Variants in NIPBL observed in about 807,000 individuals in gnomAD.
NIPBL encodes the protein NIPBL cohesin loading factor.
In NIPBL, 19 loss-of-function variants were observed where a neutral mutation model predicts 321.8. The ratio of observed to expected loss-of-function variants is 0.06; its 90% CI spans 0.04 to 0.09. The LOEUF is 0.09. Among genes scored for constraint, NIPBL ranks in the 10% least tolerant of loss-of-function variants. The pLI, the probability that NIPBL is intolerant of heterozygous loss-of-function variation, is 1.00. For missense variants in NIPBL, 2,210 were observed against 3,327.0 expected, an observed-to-expected ratio of 0.66 and a Z score of 8.26; for synonymous variants, 1,106 against 1,114.1, an observed-to-expected ratio of 0.99 and a Z score of 0.14.
chr5:36,921,992 T>C (rs1748984762), intron 1 of NIPBL, among the ~76,000 whole-genome samples: 1 of 151,264 alleles, frequency 6.6e-6, no homozygotes, highest in South Asian at 2.1e-4. Flanking sequence ...GTTCAAGTGG[T>C]TCTCCTGCCC....
Position 37,045,575 on chromosome 5 carries a change from A to T in NIPBL, c.6476A>T (p.Glu2159Val), listed in dbSNP as rs1752884519. ...ALCRHFDFDLEDFKGNSKVNI... is the reference protein window; with the variant it reads ...ALCRHFDFDLVDFKGNSKVNI... ...TGTCGGCATTTTGATTTTGATCTGG[A>T]AGATTTTAAAGGCAACAGCAAGGTA... The change falls in exon 37 of 47, where the codon GAA (glutamate) becomes GTA (valine). Residue 2159 changes from glutamate (E) to valine (V), a missense_variant. By Grantham distance (121) the Glu-to-Val change is moderately radical (BLOSUM62 -2). Transcript: ENST00000282516. 4 of 1,614,102 alleles carry T rather than the reference A, an allele frequency of 2.5e-6. No individual in the cohort carries two copies. The East Asian group carries it at 8.9e-5, about 36-fold the overall frequency.
chr5:37,063,642 C>T, intron 45 of NIPBL, 148 bp from the exon 46 acceptor site: 1 of 748,544 alleles, frequency 1.3e-6, no homozygotes, highest in South Asian at 1.8e-5. Flanking sequence ...TGGCTGTTTA[C>T]AGAAAATGTT....
chr5:37,019,350 G>A lies in NIPBL; in HGVS notation c.4960G>A (p.Ala1654Thr), dbSNP rs781402189. The change falls in exon 25 of 47, where the codon GCA (alanine) becomes ACA (threonine). Residue 1654 changes from alanine (A) to threonine (T), a missense_variant. Ala to Thr is a moderately conservative substitution (Grantham distance 58). Coordinates refer to ENST00000282516, the MANE Select transcript of NIPBL (RefSeq NM_133433.4). ...AGATGAAATCCAACAATTACAAAAA[G>A]CATTGCTTGATTACTTGGATGAAAA... ...GEDEIQQLQKALLDYLDENTE... is the reference protein window; with the variant it reads ...GEDEIQQLQKTLLDYLDENTE... 13 of 1,613,078 alleles carry A rather than the reference G, an allele frequency of 8.1e-6. No individual in the cohort carries two copies. The highest frequency in any genetic ancestry group is 7.7e-5 in the South Asian group (7 of 91,060).
chr5:36,935,412 G>A (rs965591347), intron 1 of NIPBL, among the ~76,000 whole-genome samples: 7 of 152,010 alleles, frequency 4.6e-5, no homozygotes, highest in African/African-American at 1.2e-4. Context: ...TTTTCAAAAT[G>A]GGTCTTCTCT....
intron 38 of NIPBL, among the ~76,000 whole-genome samples, chr5:37,047,597 A>G (rs986592637): frequency 3.3e-5 from 5 of 152,212 alleles, no homozygotes; most frequent in African/African-American, 9.6e-5. Flanking sequence ...GAGTGGCAAA[A>G]CTAATAGTGT....
chr5:36,906,300 C>T (rs141546221), intron 1 of NIPBL, among the ~76,000 whole-genome samples: 47 of 152,086 alleles, frequency 3.1e-4, no homozygotes, highest in African/African-American at 1.1e-3. Context: ...TTTTAGACCT[C>T]CCACAACAAT....
In NIPBL at chr5:37,000,590, G is replaced by T; in HGVS notation, c.3502+20G>T. The T allele has an allele frequency of 6.2e-7, 1 of 1,609,994 alleles. No individual in the cohort carries two copies. Among genetic ancestry groups the T allele is most frequent in the Non-Finnish European group, 8.5e-7 (1 of 1,176,874 alleles). On this transcript the variant is annotated intron_variant, in intron 12 of 46. Coordinates refer to ENST00000282516, the MANE Select transcript of NIPBL (RefSeq NM_133433.4). ...GTGAGGGTAATTCATCAGTGTCAAC[G>T]GATTTCTTACATAAACCAATTTAAA...
At chr5:36,895,939 A>G (rs545504309) in intron 1 of NIPBL, among the ~76,000 whole-genome samples, 1 of 152,310 alleles carries the variant, frequency 6.6e-6, no homozygotes, top group Non-Finnish European at 1.5e-5. Context: ...TGTCCTTTGA[A>G]GCACATACAT....
chr5:37,042,106 T>C (rs982218543), intron 34 of NIPBL, among the ~76,000 whole-genome samples: 6 of 152,028 alleles, frequency 3.9e-5, no homozygotes, highest in South Asian at 4.1e-4. Flanking sequence ...AGCCAAGTGG[T>C]GGGAATGTTT....
chr5:37,029,733 A>T (rs941682468), intron 32 of NIPBL, among the ~76,000 whole-genome samples: 1 of 152,176 alleles, frequency 6.6e-6, no homozygotes, highest in Non-Finnish European at 1.5e-5. Context: ...CACTTTTTTT[A>T]AAACTTTAGC....
chr5:36,962,051 ACAGT>A (rs1216895005), intron 5 of NIPBL, 68 bp from the exon 6 acceptor site: 3 of 1,546,804 alleles, frequency 1.9e-6, no homozygotes, highest in Non-Finnish European at 2.7e-6. Flanking sequence ...GGACTTTGTG[ACAGT>A]CAGATTTCAA....
intron 4 of NIPBL, among the ~76,000 whole-genome samples, chr5:36,960,293 G>A (rs77731695): frequency 1.6e-3 from 235 of 151,592 alleles, no homozygotes; most frequent in African/African-American, 5.3e-3. Flanking sequence ...GTTTGTCCCA[G>A]TGATGGCTGT....
chr5:37,043,945 C>T (rs1015011605), intron 34 of NIPBL, among the ~76,000 whole-genome samples: 1 of 152,156 alleles, frequency 6.6e-6, no homozygotes, highest in African/African-American at 2.4e-5. Context: ...ACTCCTGTGT[C>T]AGGATACGGG....
chr5:37,000,147 G>A (rs955739332), intron 11 of NIPBL, among the ~76,000 whole-genome samples: 1 of 152,124 alleles, frequency 6.6e-6, no homozygotes, highest in African/African-American at 2.4e-5. Context: ...TTTATTAGCA[G>A]TAAACACTGA....
chr5:36,883,611 TATG>T (rs1291919324), intron 1 of NIPBL, among the ~76,000 whole-genome samples: 1 of 151,990 alleles, frequency 6.6e-6, no homozygotes, highest in African/African-American at 2.4e-5. Flanking sequence ...GATTGATATT[TATG>T]ATATTTAATT....
At chr5:36,923,086 A>G (rs1004162290) in intron 1 of NIPBL, among the ~76,000 whole-genome samples, 7 of 152,158 alleles carry the variant, frequency 4.6e-5, no homozygotes, top group Non-Finnish European at 7.3e-5. Context: ...CAAGAGATCA[A>G]AACCATCCTG....
chr5:36,978,729 A>T (rs901384232), intron 9 of NIPBL, among the ~76,000 whole-genome samples: 1 of 151,942 alleles, frequency 6.6e-6, no homozygotes, highest in Non-Finnish European at 1.5e-5. Flanking sequence ...GAGGTCTTAC[A>T]GTTACATATT....
chr5:37,027,603 GTTTTT>G (rs781358128), intron 32 of NIPBL, among the ~76,000 whole-genome samples, 191 bp downstream of exon 32: 1 of 69,750 alleles, frequency 1.4e-5, no homozygotes, highest in African/African-American at 6.6e-5. Flanking sequence ...CCTGGTTGTG[GTTTTT>G]TTTTTTTTTT....
At chr5:37,029,119 A>G (rs1180648674) in intron 32 of NIPBL, among the ~76,000 whole-genome samples, 1 of 152,218 alleles carries the variant, frequency 6.6e-6, no homozygotes, top group African/African-American at 2.4e-5. Context: ...GGAAGCACAT[A>G]TCTAGTTGTC....
Sources: allele counts gnomAD v4.1 joint callset (sites outside exome capture counted in the v4.1 genomes callset), GRCh38; gene constraint gnomAD v4.1.1; transcripts MANE v1.5; gene names NCBI Gene and HGNC (gene_info 2026-07-23, HGNC 2026-07-21).